The following AGBL4 variants were observed in gnomAD, a reference collection of about 807,000 sequenced individuals.
AGBL4 encodes AGBL carboxypeptidase 4, also known as cytosolic carboxypeptidase 6.
AGBL4 carries 58 observed loss-of-function variants against 66.4 expected under a neutral mutation model. The observed-to-expected ratio is 0.87, with a 90% CI of 0.71 to 1.09. The LOEUF (loss-of-function observed/expected upper bound fraction) is 1.09, where lower values mean the gene tolerates loss of function less well. Among genes scored for constraint, AGBL4 ranks in the 50% least tolerant of loss-of-function variants. AGBL4 has a pLI of 0.00. For missense variants in AGBL4, 579 were observed against 631.0 expected, an observed-to-expected ratio of 0.92 and a Z score of 0.88; for synonymous variants, 234 against 222.9, an observed-to-expected ratio of 1.05 and a Z score of -0.44.
intron 6 of AGBL4, among the ~76,000 whole-genome samples, chr1:48,663,904 G>A (rs1176623762): frequency 6.6e-6 from 1 of 152,134 alleles, no homozygotes; most frequent in African/African-American, 2.4e-5. Context: ...CTGAAAAGTG[G>A]TGGTAGGAGC....
At chr1:48,563,827 G>T (rs1046424409) in intron 11 of AGBL4, among the ~76,000 whole-genome samples, 1 of 152,162 alleles carries the variant, frequency 6.6e-6, no homozygotes, top group Non-Finnish European at 1.5e-5. Context: ...TAAATCAAAA[G>T]CTTGGCTGCT....
chr1:49,935,551 C>T (rs964395903), intron 1 of AGBL4, among the ~76,000 whole-genome samples: 1 of 152,208 alleles, frequency 6.6e-6, no homozygotes, highest in African/African-American at 2.4e-5. Context: ...TCCCTAACCC[C>T]TGACCCCTGA....
At chr1:49,695,981 G>C (rs961873719) in intron 3 of AGBL4, among the ~76,000 whole-genome samples, 1 of 152,068 alleles carries the variant, frequency 6.6e-6, no homozygotes, top group African/African-American at 2.4e-5. Context: ...AGTTGCAGTT[G>C]AGATAAAATG....
intron 4 of AGBL4, among the ~76,000 whole-genome samples, chr1:49,081,524 T>C (rs546832796): frequency 6.6e-6 from 1 of 152,358 alleles, no homozygotes; most frequent in Admixed American, 6.5e-5. Context: ...TGTTCATTTT[T>C]ATTCTCAAAT....
At chr1:49,561,846 T>C (rs1305496) in intron 3 of AGBL4, among the ~76,000 whole-genome samples, 123,019 of 151,150 alleles carry the variant, frequency 0.81, 50,785 homozygotes, top group African/African-American at 0.94. Context: ...CTGGGTCAAA[T>C]GGTATTTCTA....
intron 1 of AGBL4, among the ~76,000 whole-genome samples, chr1:49,942,367 A>G (rs569580601): frequency 9.1e-4 from 139 of 152,228 alleles, no homozygotes; most frequent in Non-Finnish European, 1.6e-3. Flanking sequence ...CACATAAGAC[A>G]TCAAATAGCC....
intron 6 of AGBL4, among the ~76,000 whole-genome samples, chr1:48,739,222 C>A (rs991401202): frequency 2.0e-5 from 3 of 152,220 alleles, no homozygotes; most frequent in East Asian, 3.8e-4. Context: ...TGCCTCCAGT[C>A]CTTGCTCCCT....
intron 2 of AGBL4, among the ~76,000 whole-genome samples, chr1:49,735,509 C>A (rs961735046): frequency 6.6e-6 from 1 of 150,640 alleles, no homozygotes; most frequent in Non-Finnish European, 1.5e-5. Flanking sequence ...ATTGTAATAC[C>A]CATTTCAAAC....
rs1489403745 is a variant in AGBL4 at position 48,776,779 on chromosome 1, A to G, written c.634+90412T>C. 3.3e-6 allele frequency: 5 copies of G among 1,524,260 alleles called. No individual in the cohort carries two copies. The African/African-American group carries it at 5.8e-5, about 18-fold the overall frequency. 94.4% of individuals were successfully genotyped at this position (1,524,260 alleles called of 1,614,324 possible). On this transcript the variant is annotated intron_variant, in intron 6 of 13. Coordinates refer to ENST00000371839, the MANE Select transcript of AGBL4 (RefSeq NM_032785.4). ...GGGGCTGAAGTCGCGCACGCACGAC[A>G]CGGGCAGCGCGTAGCAGACGTTGTC...
At chr1:48,789,963 C>CAA (rs1645507654) in intron 6 of AGBL4, among the ~76,000 whole-genome samples, 2 of 152,206 alleles carry the variant, frequency 1.3e-5, no homozygotes, top group Non-Finnish European at 2.9e-5. Flanking sequence ...GTATATTTTT[C>CAA]CACTTAAGAT....
intron 3 of AGBL4, among the ~76,000 whole-genome samples, chr1:49,267,328 G>A (rs1172673438): frequency 6.6e-6 from 1 of 152,176 alleles, no homozygotes; most frequent in African/African-American, 2.4e-5. Context: ...CTGCAAAGTA[G>A]GTACTGACAG....
intron 3 of AGBL4, among the ~76,000 whole-genome samples, chr1:49,565,212 A>T (rs1208346629): frequency 6.6e-6 from 1 of 151,938 alleles, no homozygotes; most frequent in Non-Finnish European, 1.5e-5. Context: ...TGCACATGAG[A>T]TGGGTTTCTT....
intron 1 of AGBL4, among the ~76,000 whole-genome samples, chr1:49,947,849 T>C (rs1292697294): frequency 1.4e-5 from 2 of 145,448 alleles, no homozygotes; most frequent in Non-Finnish European, 3.0e-5. Context: ...TAAAAGTTTC[T>C]GGATACAACA....
chr1:49,212,060 G>C (rs563400684), intron 4 of AGBL4, among the ~76,000 whole-genome samples: 1 of 152,198 alleles, frequency 6.6e-6, no homozygotes, highest in East Asian at 1.9e-4. Flanking sequence ...ATGAGTTTTA[G>C]TGACTTCCCC....
intron 1 of AGBL4, among the ~76,000 whole-genome samples, chr1:49,998,360 T>A (rs1157194033): frequency 6.6e-6 from 1 of 151,944 alleles, no homozygotes; most frequent in Non-Finnish European, 1.5e-5. Context: ...TTCCTAGAAA[T>A]ATACAACCCT....
intron 3 of AGBL4, among the ~76,000 whole-genome samples, chr1:49,631,692 G>A (rs1460292301): frequency 6.6e-6 from 1 of 152,152 alleles, no homozygotes; most frequent in Non-Finnish European, 1.5e-5. Context: ...GCCTGTGAAA[G>A]ACTAAGGGAA....
intron 6 of AGBL4, among the ~76,000 whole-genome samples, chr1:48,675,186 C>T (rs1230285659): frequency 6.6e-6 from 1 of 152,184 alleles, no homozygotes; most frequent in Non-Finnish European, 1.5e-5. Context: ...CTTCAGTGTC[C>T]TTCACTCCCA....
At chr1:49,159,392 G>C (rs769405283) in intron 4 of AGBL4, among the ~76,000 whole-genome samples, 6 of 152,124 alleles carry the variant, frequency 3.9e-5, no homozygotes, top group South Asian at 2.1e-4. Flanking sequence ...ATATTGGCCC[G>C]CACTCTCTTC....
intron 2 of AGBL4, among the ~76,000 whole-genome samples, chr1:49,740,973 C>G (rs569833650): frequency 6.6e-6 from 1 of 152,154 alleles, no homozygotes; most frequent in Non-Finnish European, 1.5e-5. Context: ...GACACCCTAA[C>G]ATCACAATTA....
Sources: allele counts gnomAD v4.1 joint callset (sites outside exome capture counted in the v4.1 genomes callset), GRCh38; gene constraint gnomAD v4.1.1; transcripts MANE v1.5; gene names NCBI Gene and HGNC (gene_info 2026-07-23, HGNC 2026-07-21).